SPATA13: variants seen among roughly 807,000 people sequenced by gnomAD.
SPATA13 encodes the protein spermatogenesis-associated protein 13.
Under a neutral mutation model 104.0 loss-of-function variants are expected in SPATA13, and 50 were observed. The observed-to-expected ratio is 0.48, with a 90% CI of 0.38 to 0.61. SPATA13 has a LOEUF of 0.61. SPATA13 is among the 20% of genes least tolerant of loss of function. SPATA13 has a pLI of 0.00. For synonymous variants in SPATA13, 606 were observed against 667.5 expected (o/e 0.91, Z 1.42); for missense variants, 1,524 against 1,690.6 (o/e 0.90, Z 1.73).
rs1220964876 is a variant in SPATA13 at position 24,030,062 on chromosome 13, A to ACG, written c.-112+12362_-112+12363insGC. Among the ~76,000 whole-genome samples the ACG allele has an allele frequency of 5.9e-3, 476 of 80,388 alleles. 3 individuals carry two copies. Among genetic ancestry groups the ACG allele is most frequent in the South Asian group, 0.014 (37 of 2,614 alleles). 52.7% of individuals were successfully genotyped at this position (80,388 alleles called of 152,430 possible). ...ACCTTCTCCTAACACACACACACAC[A>ACG]CACGCACACACACACACACACACAC... is the stretch of plus-strand genomic sequence containing the variant. On this transcript the variant is annotated intron_variant, in intron 3 of 14. Coordinates refer to the SPATA13 transcript ENST00000424834.
chr13:24,074,144 A>ATT (rs1555259481), intron 3 of SPATA13, among the ~76,000 whole-genome samples: 1 of 151,912 alleles, frequency 6.6e-6, no homozygotes, highest in Non-Finnish European at 1.5e-5. Context: ...AAGATCTGAA[A>ATT]CTGTCTTCAT....
At chr13:24,231,673 T>C (rs1003776435) in intron 2 of SPATA13, among the ~76,000 whole-genome samples, 1 of 152,248 alleles carries the variant, frequency 6.6e-6, no homozygotes, top group Non-Finnish European at 1.5e-5. Context: ...TTCGAGGAGC[T>C]GCCAAGCTGC....
chr13:23,998,806 T>G (rs1234073443), intron 2 of SPATA13, among the ~76,000 whole-genome samples: 2 of 152,240 alleles, frequency 1.3e-5, no homozygotes, highest in East Asian at 3.8e-4. Context: ...ATCCATCTGT[T>G]CCAGCATCAT....
intron 2 of SPATA13, among the ~76,000 whole-genome samples, chr13:23,998,558 C>T (rs533978038): frequency 2.6e-5 from 4 of 152,280 alleles, no homozygotes; most frequent in African/African-American, 9.6e-5. Context: ...TTTTGAAAAA[C>T]AGAAGTTTTA....
chr13:24,277,570 G>A (rs1010291342), intron 4 of SPATA13, among the ~76,000 whole-genome samples: 4 of 152,118 alleles, frequency 2.6e-5, no homozygotes, highest in Non-Finnish European at 4.4e-5. Context: ...TGAGCACAGG[G>A]GTGGGAGTCA....
At position 24,221,734 on chromosome 13, in the gene SPATA13, T is replaced by C. The variant is rs193022524; in HGVS notation, c.-111-1085T>C. 2.8e-4 allele frequency among the ~76,000 whole-genome samples: 43 copies of C among 151,948 alleles called. No homozygotes were observed. In the East Asian group the frequency reaches 7.0e-3, roughly 25 times the overall value. On this transcript the variant is annotated intron_variant, in intron 1 of 12. Transcript: ENST00000382108. Reference sequence around the variant, plus strand: ...TGTGGGATGGGCATGGGTGCAGTAGTGTGTGGTTGTCAGGGCACGTGGGAA... The same window carrying C: ...TGTGGGATGGGCATGGGTGCAGTAGCGTGTGGTTGTCAGGGCACGTGGGAA...
At chr13:24,060,679 A>G (rs1878740172) in intron 3 of SPATA13, among the ~76,000 whole-genome samples, 1 of 143,860 alleles carries the variant, frequency 7.0e-6, no homozygotes. Context: ...TGTGCAAACT[A>G]TGCCTCTGAC....
At chr13:24,301,683 G>A (rs565003220) in intron 12 of SPATA13, among the ~76,000 whole-genome samples, 1 of 152,336 alleles carries the variant, frequency 6.6e-6, no homozygotes, top group Admixed American at 6.5e-5. Flanking sequence ...GCCAGGGGCA[G>A]GGACGGGTTC....
Position 24,161,604 on chromosome 13 carries a change from C to A in SPATA13, c.-112+672C>A, listed in dbSNP as rs1882498049. On this transcript the variant is annotated intron_variant, in intron 1 of 12. Coordinates refer to ENST00000382108, the MANE Select transcript of SPATA13 (RefSeq NM_001166271.3). The surrounding 1 kb of genome is among the most constrained non-coding windows in gnomAD (Gnocchi z 4.5). ...TAGAAGCCCGCGCTGCTGCCAGCGTCAGGGGGAGCTCGGGTGACTTGGGCT... is the reference window on the plus strand; with the variant it reads ...TAGAAGCCCGCGCTGCTGCCAGCGTAAGGGGGAGCTCGGGTGACTTGGGCT... Among the ~76,000 whole-genome samples the A allele has an allele frequency of 6.6e-6, 1 of 152,070 alleles. No homozygotes were observed. The highest frequency in any genetic ancestry group is 2.4e-5 in the African/African-American group (1 of 41,406).
At chr13:24,064,607 C>T (rs1334180322) in intron 3 of SPATA13, among the ~76,000 whole-genome samples, 3 of 152,036 alleles carry the variant, frequency 2.0e-5, no homozygotes, top group Non-Finnish European at 4.4e-5. Context: ...GGAAGTAGGC[C>T]CTCACCAGAC....
At chr13:24,279,362 T>C (rs530238929) in intron 4 of SPATA13, among the ~76,000 whole-genome samples, 2 of 152,240 alleles carry the variant, frequency 1.3e-5, no homozygotes, top group Non-Finnish European at 2.9e-5. Context: ...TCAAGAACTT[T>C]GGCTGTCTCC....
Position 24,098,906 on chromosome 13 carries a change from A to G in SPATA13, c.-112+81205A>G, listed in dbSNP as rs7989564. ...CGCACCACTGCACTCCAGCCTGGCA[A>G]CAGAGCGAGACTCCATCTCAAAAAA... On this transcript the variant is annotated intron_variant, in intron 3 of 14. Transcript: ENST00000424834. Among the ~76,000 whole-genome samples, 887 of 149,538 alleles carry G rather than the reference A, an allele frequency of 5.9e-3. 8 individuals are homozygous for G. Among genetic ancestry groups the G allele is most frequent in the African/African-American group, 0.02 (816 of 40,248 alleles).
At chr13:24,131,467 C>T (rs1254263515) in intron 3 of SPATA13, among the ~76,000 whole-genome samples, 1 of 152,136 alleles carries the variant, frequency 6.6e-6, no homozygotes, top group Non-Finnish European at 1.5e-5. Context: ...CAGAATCCTC[C>T]AAGGGCATGG....
intron 2 of SPATA13, among the ~76,000 whole-genome samples, chr13:24,239,007 G>T (rs1426156576): frequency 6.6e-6 from 1 of 152,174 alleles, no homozygotes; most frequent in Non-Finnish European, 1.5e-5. Flanking sequence ...CATCAGAGGT[G>T]GATGTTTACC....
intron 1 of SPATA13, among the ~76,000 whole-genome samples, chr13:23,980,682 C>G (rs1874844715): frequency 6.6e-6 from 1 of 152,112 alleles, no homozygotes; most frequent in African/African-American, 2.4e-5. Flanking sequence ...ACCTCTGCCT[C>G]CCGGGTTCAA....
intron 2 of SPATA13, among the ~76,000 whole-genome samples, chr13:23,999,594 G>A (rs1232957418): frequency 6.7e-5 from 5 of 74,954 alleles, no homozygotes; most frequent in East Asian, 3.0e-4. Context: ...AGATCTCCAG[G>A]CTCAGGGTGG....
At chr13:24,191,540 T>G (rs1316806172) in intron 1 of SPATA13, among the ~76,000 whole-genome samples, 1 of 133,174 alleles carries the variant, frequency 7.5e-6, no homozygotes, top group Non-Finnish European at 1.6e-5. Context: ...GATGGAGTCT[T>G]GCTCTGTCAC....
At chr13:24,009,860 T>A (rs1233490611) in intron 2 of SPATA13, among the ~76,000 whole-genome samples, 1 of 152,210 alleles carries the variant, frequency 6.6e-6, no homozygotes, top group Non-Finnish European at 1.5e-5. Flanking sequence ...TTACCTCCCT[T>A]CCATCCTGGC....
chr13:24,203,441 G>C (rs968006335), intron 1 of SPATA13, among the ~76,000 whole-genome samples: 1 of 152,148 alleles, frequency 6.6e-6, no homozygotes, highest in African/African-American at 2.4e-5. Flanking sequence ...AAAAGCGCTA[G>C]CTACATTTTG....
Sources: allele counts gnomAD v4.1 joint callset (sites outside exome capture counted in the v4.1 genomes callset), GRCh38; gene constraint gnomAD v4.1.1; non-coding constraint Gnocchi (gnomAD v3.1); transcripts MANE v1.5; gene names NCBI Gene and HGNC (gene_info 2026-07-23, HGNC 2026-07-21).